C2orf68: variants seen among roughly 807,000 people sequenced by gnomAD.
C2orf68 encodes the protein chromosome 2 open reading frame 68.
A neutral mutation model predicts 19.1 loss-of-function variants in C2orf68; 15 were observed. The observed-to-expected ratio is 0.79, with a 90% CI of 0.53 to 1.21. The LOEUF (loss-of-function observed/expected upper bound fraction) is 1.21. Ranked by LOEUF, C2orf68 falls within the 50% of genes most tolerant of loss-of-function variation. The pLI, the probability that C2orf68 is intolerant of heterozygous loss-of-function variation, is 0.00. For missense variants in C2orf68, 242 were observed against 226.6 expected, an observed-to-expected ratio of 1.07 and a Z score of -0.44; for synonymous variants, 98 against 91.0, an observed-to-expected ratio of 1.08 and a Z score of -0.44.
rs973290181 is a variant in C2orf68 at position 85,608,172 on chromosome 2, TG to T, written c.*772del. The T allele has an allele frequency of 6.6e-6, 1 of 152,382 alleles. No homozygotes were observed. The highest frequency in any genetic ancestry group is 2.4e-5 in the African/African-American group (1 of 41,580). 9.4% of individuals were successfully genotyped at this position (152,382 alleles called of 1,614,324 possible). A position where few individuals can be genotyped will look rare whatever the true frequency, so the allele number is the denominator to read the frequency against. On this transcript the variant is annotated 3_prime_UTR_variant, in exon 4 of 4. Coordinates refer to ENST00000306336, the MANE Select transcript of C2orf68 (RefSeq NM_001013649.4). ...TAGCCCTGGCCGAGGCAGGTTTTGC[TG>T]TAAGAAATCTTTTCAGTTTAGCACC...
Position 85,609,001 on chromosome 2 carries a change from CT to C in C2orf68, c.444del (p.Glu149LysfsTer51), listed in dbSNP as rs1673329556. On this transcript the variant is annotated frameshift_variant, in exon 4 of 4. Transcript: ENST00000306336. LOFTEE classifies it high-confidence loss of function. ...TCCTGGATACGCAACTTGAGGGCTT[CT>C]CGCATGGGTGGATCCAGAGGCGTGT... ...SAHTPLDPPM[R>X]EALKLRIQEE... is the part of the protein sequence containing the mutation. 1 of 1,614,130 alleles carries C rather than the reference CT, an allele frequency of 6.2e-7. No individual in the cohort carries two copies.
At chr2:85,610,004 G>C (rs1673404958) in intron 2 of C2orf68, among the ~76,000 whole-genome samples, 3 of 147,776 alleles carry the variant, frequency 2.0e-5, no homozygotes, top group Admixed American at 1.4e-4. Flanking sequence ...TATGGGTCCA[G>C]TGTAAGTGGT....
In C2orf68 at chr2:85,609,066, C is replaced by A; in HGVS notation, c.380G>T (p.Gly127Val). Reference sequence around the variant, plus strand: ...CTCACTCACCTTTCCTGGGTCATCACCCTACGTGGAGGAAGAGTCAGAAGG... The same window carrying A: ...CTCACTCACCTTTCCTGGGTCATCAACCTACGTGGAGGAAGAGTCAGAAGG... ...GEVTSVIVYQGDDPGKVSEKV... is the reference protein window; with the variant it reads ...GEVTSVIVYQVDDPGKVSEKV... The change falls in exon 4 of 4, where the codon GGT (glycine) becomes GTT (valine). Residue 127 changes from glycine (G) to valine (V), a missense_variant and splice_region_variant. Transcript: ENST00000306336. 1 of 1,614,136 alleles carries A rather than the reference C, an allele frequency of 6.2e-7. No homozygotes were observed. Among genetic ancestry groups the A allele is most frequent in the Non-Finnish European group, 8.5e-7 (1 of 1,179,998 alleles).
In C2orf68 at chr2:85,609,084, T is replaced by C; in HGVS notation, c.379-17A>G. ...GTCATCACCCTACGTGGAGGAAGAGTCAGAAGGCTCAGGGCCTGGCCTCTT... is the reference window on the plus strand; with the variant it reads ...GTCATCACCCTACGTGGAGGAAGAGCCAGAAGGCTCAGGGCCTGGCCTCTT... On this transcript the variant is annotated splice_polypyrimidine_tract_variant and intron_variant, in intron 3 of 3. Coordinates refer to ENST00000306336, the MANE Select transcript of C2orf68 (RefSeq NM_001013649.4). 6.2e-7 allele frequency: 1 copy of C among 1,613,364 alleles called. No homozygotes were observed.
At position 85,611,660 on chromosome 2, in the gene C2orf68, G is replaced by T; in HGVS notation, c.226+8C>A. Reference sequence around the variant, plus strand: ...CGGGCTGGAGGCAGGCGGGGCGGGCGGCCTCACCTCGGTGTCGCGGCAGGT... The same window carrying T: ...CGGGCTGGAGGCAGGCGGGGCGGGCTGCCTCACCTCGGTGTCGCGGCAGGT... On this transcript the variant is annotated splice_region_variant and intron_variant, in intron 2 of 3. Transcript: ENST00000306336. The T allele has an allele frequency of 6.4e-7, 1 of 1,558,056 alleles. No individual in the cohort carries two copies. Among genetic ancestry groups the T allele is most frequent in the South Asian group, 1.2e-5 (1 of 85,228 alleles).
intron 3 of C2orf68, 140 bp downstream of exon 3, chr2:85,609,295 C>T (rs986621377): frequency 7.5e-7 from 1 of 1,326,250 alleles, no homozygotes; most frequent in Non-Finnish European, 1.0e-6. Flanking sequence ...TGCTCAAAAG[C>T]ACTGCCCGGC....
chr2:85,612,030 A>G lies in C2orf68; in HGVS notation c.-46T>C, dbSNP rs1439615631. On this transcript the variant is annotated 5_prime_UTR_variant, in exon 1 of 4. Coordinates refer to ENST00000306336, the MANE Select transcript of C2orf68 (RefSeq NM_001013649.4). ...TCGCCGCCGCCTCGACGGCCCCAAC[A>G]ACAGCCACCCGCCCACAGAGCTCCG... 3.7e-6 allele frequency: 5 copies of G among 1,342,248 alleles called. No homozygotes were observed. Among genetic ancestry groups the G allele is most frequent in the Non-Finnish European group, 5.0e-6 (5 of 1,009,512 alleles). The allele number at this position is 1,342,248 out of a possible 1,614,324, so 83.1% of individuals were successfully genotyped here.
At chr2:85,611,628 G>C (rs1321399395) in intron 2 of C2orf68, 40 bp downstream of exon 2, 3 of 1,562,678 alleles carry the variant, frequency 1.9e-6, no homozygotes, top group Non-Finnish European at 2.6e-6. Context: ...GTTGCAGGAA[G>C]AGCGCGCGGG....
chr2:85,611,259 G>C, intron 2 of C2orf68: 1 of 1,377,690 alleles, frequency 7.3e-7, no homozygotes, highest in Admixed American at 3.5e-5. Context: ...AAAATTGACC[G>C]TCATATATTA....
rs1383644304 is a variant in C2orf68, at chr2:85,606,430, AG to A, written c.*2514del. Among the ~76,000 whole-genome samples, 1 of 152,166 alleles carries A rather than the reference AG, an allele frequency of 6.6e-6. No homozygotes were observed. Among genetic ancestry groups the A allele is most frequent in the African/African-American group, 2.4e-5 (1 of 41,436 alleles). On this transcript the variant is annotated 3_prime_UTR_variant, in exon 4 of 4. Coordinates refer to ENST00000306336, the MANE Select transcript of C2orf68 (RefSeq NM_001013649.4). The stretch of plus-strand genomic sequence containing the variant: ...ATAGTACTGCCTTGGACCCCAGCTG[AG>A]GGGTGGCAGTAAGCAATGAGGATGG...
chr2:85,609,489 G>C lies in C2orf68; in HGVS notation c.324C>G (p.Phe108Leu), dbSNP rs1221697710. 1.2e-6 allele frequency: 2 copies of C among 1,614,096 alleles called. No individual in the cohort carries two copies. Among genetic ancestry groups the C allele is most frequent in the Non-Finnish European group, 1.7e-6 (2 of 1,180,052 alleles). Residue 108 changes from phenylalanine to leucine, a missense_variant, in exon 3 of 4, where the codon TTC (phenylalanine) becomes TTG (leucine). Transcript: ENST00000306336. Reference protein sequence around the residue: ...SELEPSGHQLFCLEYEADSGE... With the variant: ...SELEPSGHQLLCLEYEADSGE... The stretch of plus-strand genomic sequence containing the variant: ...CACTGTCTGCCTCGTATTCTAAGCA[G>C]AAGAGCTGATGGCCAGAAGGCTCCA...
intron 2 of C2orf68, among the ~76,000 whole-genome samples, 166 bp from the exon 3 acceptor site, chr2:85,609,752 G>A (rs1673386726): frequency 6.6e-6 from 1 of 152,158 alleles, no homozygotes; most frequent in Non-Finnish European, 1.5e-5. Flanking sequence ...TGCAATCTCG[G>A]CTCACTGCAA....
intron 2 of C2orf68, chr2:85,611,138 G>C (rs187177330): frequency 1.7e-5 from 9 of 517,926 alleles, no homozygotes; most frequent in East Asian, 1.2e-4. Context: ...TACTCGGGAG[G>C]CTAAGGCTGC....
chr2:85,609,877 TACC>T, intron 2 of C2orf68, among the ~76,000 whole-genome samples: 1 of 151,928 alleles, frequency 6.6e-6, no homozygotes, highest in Admixed American at 6.5e-5. Flanking sequence ...GATGGGGTTT[TACC>T]ATGTTGGCCA....
chr2:85,606,369 G>A lies in C2orf68; in HGVS notation c.*2576C>T, dbSNP rs1573369373. Among the ~76,000 whole-genome samples the A allele has an allele frequency of 1.3e-5, 2 of 152,218 alleles. No individual in the cohort carries two copies. Among genetic ancestry groups the A allele is most frequent in the African/African-American group, 2.4e-5 (1 of 41,458 alleles). On this transcript the variant is annotated 3_prime_UTR_variant, in exon 4 of 4. Transcript: ENST00000306336. ...TGGAAAACACTAATTTTTGAAAGAA[G>A]TAGATGTCTGGAGGCAGGTCTGGTG...
chr2:85,611,166 C>A lies in C2orf68; in HGVS notation c.226+502G>T, dbSNP rs1673495354. The A allele has an allele frequency of 4.6e-6, 4 of 872,664 alleles. No homozygotes were observed. The South Asian group carries it at 9.3e-5, about 20-fold the overall frequency. The allele number at this position is 872,664 out of a possible 1,614,324, so 54.1% of individuals were successfully genotyped here. On this transcript the variant is annotated intron_variant, in intron 2 of 3. Coordinates refer to ENST00000306336, the MANE Select transcript of C2orf68 (RefSeq NM_001013649.4). ...AAGGCTGCAGTAAGCCCAGATCGCA[C>A]CATTGCACTCCAGCCTGGGCGACAG...
At position 85,606,131 on chromosome 2, in the gene C2orf68, T is replaced by C. The variant is rs1335866129; in HGVS notation, c.*2814A>G. Among the ~76,000 whole-genome samples, 1 of 152,232 alleles carries C rather than the reference T, an allele frequency of 6.6e-6. No individual in the cohort carries two copies. Among genetic ancestry groups the C allele is most frequent in the Non-Finnish European group, 1.5e-5 (1 of 68,038 alleles). The stretch of plus-strand genomic sequence containing the variant: ...AATTCAGCAAGCGAAGAACATTCCA[T>C]ATTGAATGGGCATGAGATATGCCTA... On this transcript the variant is annotated 3_prime_UTR_variant, in exon 4 of 4. Coordinates refer to ENST00000306336, the MANE Select transcript of C2orf68 (RefSeq NM_001013649.4).
rs552989319 is a variant in C2orf68, at chr2:85,610,013, GT to G, written c.227-428del. Among the ~76,000 whole-genome samples, 902 of 125,140 alleles carry G rather than the reference GT, an allele frequency of 7.2e-3. 8 individuals are homozygous for G. The highest frequency in any genetic ancestry group is 0.024 in the African/African-American group (718 of 30,358). The allele number at this position is 125,140 out of a possible 152,430, so 82.1% of individuals were successfully genotyped here. A position where few individuals can be genotyped will look rare whatever the true frequency, so the allele number is the denominator to read the frequency against. On this transcript the variant is annotated intron_variant, in intron 2 of 3. Coordinates refer to ENST00000306336, the MANE Select transcript of C2orf68 (RefSeq NM_001013649.4). ...TCTTCTTATGGGTCCAGTGTAAGTGGTTTTTTTTTTTTTTTTTTTGAGACGG... is the reference window on the plus strand; with the variant it reads ...TCTTCTTATGGGTCCAGTGTAAGTGGTTTTTTTTTTTTTTTTTTGAGACGG...
rs565774231 is a variant in C2orf68 at position 85,606,523 on chromosome 2, G to A, written c.*2422C>T. ...GCATTTCAGACACATCTGTAGAGAGGGCAGTAGCATCTCCGATAGGCCAGC... is the reference window on the plus strand; with the variant it reads ...GCATTTCAGACACATCTGTAGAGAGAGCAGTAGCATCTCCGATAGGCCAGC... On this transcript the variant is annotated 3_prime_UTR_variant, in exon 4 of 4. Coordinates refer to ENST00000306336, the MANE Select transcript of C2orf68 (RefSeq NM_001013649.4). 4 of 152,170 alleles carry A rather than the reference G, an allele frequency of 2.6e-5. No homozygotes were observed. The highest frequency in any genetic ancestry group is 9.7e-5 in the African/African-American group (4 of 41,430). The allele number at this position is 152,170 out of a possible 1,614,324, so 9.4% of individuals were successfully genotyped here.
Sources: allele counts gnomAD v4.1 joint callset (sites outside exome capture counted in the v4.1 genomes callset), GRCh38; gene constraint gnomAD v4.1.1; transcripts MANE v1.5; gene names NCBI Gene and HGNC (gene_info 2026-07-23, HGNC 2026-07-21).